SPATS2: variants seen among roughly 807,000 people sequenced by gnomAD.
SPATS2 encodes the protein spermatogenesis-associated serine-rich protein 2.
A neutral mutation model predicts 63.7 loss-of-function variants in SPATS2; 38 were observed. The observed-to-expected ratio is 0.60, with a 90% CI of 0.46 to 0.78. The LOEUF is 0.78. SPATS2 is among the 30% of genes least tolerant of loss of function. The pLI is 0.00. For missense variants in SPATS2, 588 were observed against 666.2 expected (o/e 0.88, Z 1.29); for synonymous variants, 207 against 232.9 (o/e 0.89, Z 1.01).
At chr12:49,437,816 G>A (rs1483302644) in intron 2 of SPATS2, among the ~76,000 whole-genome samples, 4 of 152,118 alleles carry the variant, frequency 2.6e-5, no homozygotes, top group African/African-American at 9.7e-5. Flanking sequence ...GGGGGAGACC[G>A]TGGAAAAAGA....
intron 3 of SPATS2, among the ~76,000 whole-genome samples, chr12:49,474,787 G>C (rs1946091940): frequency 6.6e-6 from 1 of 152,180 alleles, no homozygotes; most frequent in African/African-American, 2.4e-5. Context: ...GATTGTATTA[G>C]TCTGTTTTTT....
intron 2 of SPATS2, among the ~76,000 whole-genome samples, chr12:49,419,748 A>G (rs1944947689): frequency 6.6e-6 from 1 of 152,248 alleles, no homozygotes; most frequent in South Asian, 2.1e-4. Flanking sequence ...GACATATACT[A>G]GTAGAAGACA....
chr12:49,504,684 G>A (rs1456821998), intron 9 of SPATS2, among the ~76,000 whole-genome samples: 1 of 150,420 alleles, frequency 6.6e-6, no homozygotes, highest in Non-Finnish European at 1.5e-5. Flanking sequence ...TAAGTTTATG[G>A]TTAAGGTTTT....
chr12:49,472,041 G>A (rs1044569414), intron 3 of SPATS2, among the ~76,000 whole-genome samples: 12 of 152,094 alleles, frequency 7.9e-5, no homozygotes, highest in Admixed American at 6.6e-4. Context: ...GGGAGGCTGA[G>A]GTGGGAGGAT....
At chr12:49,496,058 A>T (rs1460954660) in intron 7 of SPATS2, among the ~76,000 whole-genome samples, 1 of 152,196 alleles carries the variant, frequency 6.6e-6, no homozygotes. Flanking sequence ...CTGGCTTTAG[A>T]AGTGTAATGC....
intron 2 of SPATS2, among the ~76,000 whole-genome samples, chr12:49,387,509 C>T (rs1423098458): frequency 6.6e-6 from 1 of 151,826 alleles, no homozygotes; most frequent in Admixed American, 6.6e-5. Flanking sequence ...CGGTGATGCA[C>T]TCCTGTAATC....
At chr12:49,505,545 C>T (rs1460430774) in intron 9 of SPATS2, among the ~76,000 whole-genome samples, 1 of 152,096 alleles carries the variant, frequency 6.6e-6, no homozygotes, top group Non-Finnish European at 1.5e-5. Flanking sequence ...CAAACTGCTC[C>T]AATGAGTATT....
rs532975346 is a variant in SPATS2 at position 49,437,462 on chromosome 12, G to T, written c.-243-23308G>T. On this transcript the variant is annotated intron_variant, in intron 2 of 13. Coordinates refer to ENST00000552918, the MANE Select transcript of SPATS2 (RefSeq NM_023071.4). ...CAGAGGCTGCAATCTCAGCACTTTG[G>T]GGGGCCAAGGCAGGCAGCTGGGAGG... Among the ~76,000 whole-genome samples, 376 of 152,328 alleles carry T rather than the reference G, an allele frequency of 2.5e-3. 1 individual carries two copies. Among genetic ancestry groups the T allele is most frequent in the African/African-American group, 8.5e-3 (354 of 41,574 alleles).
intron 3 of SPATS2, among the ~76,000 whole-genome samples, chr12:49,481,864 T>C (rs1171808748): frequency 6.6e-6 from 1 of 152,154 alleles, no homozygotes; most frequent in Non-Finnish European, 1.5e-5. Flanking sequence ...CTTAAAAATG[T>C]GTTTCTGATA....
intron 2 of SPATS2, among the ~76,000 whole-genome samples, chr12:49,412,674 A>G (rs1944817776): frequency 6.6e-6 from 1 of 151,718 alleles, no homozygotes; most frequent in African/African-American, 2.4e-5. Context: ...TGAAGCCAGG[A>G]GTTTGAGACT....
chr12:49,411,526 C>A (rs1324931407), intron 2 of SPATS2, among the ~76,000 whole-genome samples: 2 of 152,130 alleles, frequency 1.3e-5, no homozygotes, highest in Non-Finnish European at 2.9e-5. Context: ...ATAGAGTAGA[C>A]TTGGGTATCT....
At chr12:49,499,940 G>T in intron 8 of SPATS2, 130 bp from the exon 9 acceptor site, 1 of 631,308 alleles carries the variant, frequency 1.6e-6, no homozygotes, top group Non-Finnish European at 2.3e-6. Context: ...TTTTCTCATT[G>T]GGGAAGGTGG....
At chr12:49,423,530 C>G (rs911983015) in intron 2 of SPATS2, among the ~76,000 whole-genome samples, 22 of 152,156 alleles carry the variant, frequency 1.4e-4, no homozygotes, top group African/African-American at 5.1e-4. Flanking sequence ...ATTGAAGCCT[C>G]CTTGCATTCT....
At chr12:49,377,528 A>G (rs1447728825) in intron 2 of SPATS2, among the ~76,000 whole-genome samples, 1 of 152,238 alleles carries the variant, frequency 6.6e-6, no homozygotes, top group African/African-American at 2.4e-5. Context: ...AGCTGAGAAC[A>G]CATCATCCTT....
intron 6 of SPATS2, among the ~76,000 whole-genome samples, chr12:49,492,780 T>A (rs1946404139): frequency 6.6e-6 from 1 of 151,972 alleles, no homozygotes; most frequent in African/African-American, 2.4e-5. Flanking sequence ...ACTTAGCCAG[T>A]TCACATGGGG....
intron 1 of SPATS2, among the ~76,000 whole-genome samples, chr12:49,368,516 C>T (rs1943942729): frequency 6.6e-6 from 1 of 152,140 alleles, no homozygotes; most frequent in South Asian, 2.1e-4. Context: ...AATTAAGTTA[C>T]CTGTACTTTG....
intron 9 of SPATS2, among the ~76,000 whole-genome samples, chr12:49,511,548 T>C (rs1946753833): frequency 1.3e-5 from 2 of 152,150 alleles, no homozygotes; most frequent in Admixed American, 6.6e-5. Context: ...CCCTGAGGTA[T>C]TGGAGTGAGC....
At chr12:49,447,270 C>T (rs371733764) in intron 2 of SPATS2, among the ~76,000 whole-genome samples, 19 of 148,208 alleles carry the variant, frequency 1.3e-4, no homozygotes, top group East Asian at 4.2e-4. Flanking sequence ...GACAGAGTCT[C>T]GCTTTGTCCC....
At chr12:49,486,780 AAAAAAAAAAAAAG>A (rs972589750) in intron 4 of SPATS2, among the ~76,000 whole-genome samples, 9 of 145,598 alleles carry the variant, frequency 6.2e-5, no homozygotes, top group African/African-American at 2.0e-4. Context: ...GACTCCGTCA[AAAAAAAAAAAAAG>A]AAAAAAAAGA....
Sources: gnomAD v4.1 joint callset for allele counts (sites outside exome capture counted in the v4.1 genomes callset) on GRCh38, gnomAD v4.1.1 for gene constraint, MANE v1.5 for transcripts, NCBI Gene and HGNC (gene_info 2026-07-23, HGNC 2026-07-21) for gene names.